CHD9: variants seen among roughly 807,000 people sequenced by gnomAD.
CHD9 encodes ATP-dependent chromatin remodeler CHD9.
A neutral mutation model predicts 316.1 loss-of-function variants in CHD9; 77 were observed. The ratio of observed to expected loss-of-function variants is 0.24; its 90% CI spans 0.20 to 0.29. CHD9 has a LOEUF of 0.29. Among genes scored for constraint, CHD9 ranks in the 10% least tolerant of loss-of-function variants. The probability of loss-of-function intolerance (pLI) is 1.00; values close to 1 mark genes in which losing one functional copy is unlikely to be tolerated. For synonymous variants in CHD9, 1,129 were observed against 1,158.3 expected, an observed-to-expected ratio of 0.97 and a Z score of 0.51; for missense variants, 2,763 against 3,438.1, an observed-to-expected ratio of 0.80 and a Z score of 4.91.
At chr16:53,228,021 G>A (rs1038762703) in intron 7 of CHD9, among the ~76,000 whole-genome samples, 3 of 152,124 alleles carry the variant, frequency 2.0e-5, no homozygotes, top group East Asian at 1.9e-4. Context: ...AGGAGGTGGA[G>A]GTTGCTGTGA....
chr16:53,293,119 G>C, intron 29 of CHD9, 67 bp downstream of exon 29: 1 of 1,375,972 alleles, frequency 7.3e-7, no homozygotes, highest in South Asian at 1.3e-5. Flanking sequence ...AAGCCTGTCT[G>C]GGTACAATTA....
In CHD9 at chr16:53,308,501, T is replaced by C. The variant is rs145431823; in HGVS notation, c.7054-185T>C. Among the ~76,000 whole-genome samples the C allele has an allele frequency of 2.6e-4, 40 of 152,288 alleles. 1 individual carries two copies. Among genetic ancestry groups the C allele is most frequent in the African/African-American group, 9.6e-4 (40 of 41,568 alleles). On this transcript the variant is annotated intron_variant, in intron 33 of 38. Transcript: ENST00000447540. ...TTTTTTTCATTCAAAATAGAAAATT[T>C]GGTGTTATTATAGAAATTGATTTAA...
intron 1 of CHD9, among the ~76,000 whole-genome samples, chr16:53,139,001 T>A (rs951261856): frequency 6.6e-6 from 1 of 152,038 alleles, no homozygotes; most frequent in Non-Finnish European, 1.5e-5. Context: ...GGAGGTGCTG[T>A]GGGAGGGCGT....
At chr16:53,289,532 A>G (rs923010398) in intron 27 of CHD9, among the ~76,000 whole-genome samples, 1 of 152,246 alleles carries the variant, frequency 6.6e-6, no homozygotes, top group African/African-American at 2.4e-5. Flanking sequence ...AGATGTGAGG[A>G]AATTATCCAG....
At chr16:53,247,669 C>G (rs2049751519) in intron 16 of CHD9, 166 bp downstream of exon 16, 4 of 595,470 alleles carry the variant, frequency 6.7e-6, no homozygotes, top group Non-Finnish European at 1.2e-5. Context: ...GTTATATTTT[C>G]CTAACCTGCA....
chr16:53,229,230 A>C, intron 8 of CHD9, 130 bp downstream of exon 8: 1 of 506,336 alleles, frequency 2.0e-6, no homozygotes. Context: ...TGCTACCTAA[A>C]TATAGTATTT....
intron 1 of CHD9, among the ~76,000 whole-genome samples, chr16:53,119,373 T>TA (rs143260025): frequency 0.28 from 41,744 of 149,368 alleles, 6,815 homozygotes; most frequent in Non-Finnish European, 0.38. Flanking sequence ...CACTGTTATT[T>TA]AAAAAAAAAA....
At chr16:53,232,044 T>C (rs938346813) in intron 10 of CHD9, among the ~76,000 whole-genome samples, 1 of 152,154 alleles carries the variant, frequency 6.6e-6, no homozygotes, top group Non-Finnish European at 1.5e-5. Context: ...GGAAATGAAT[T>C]AAATATTCCA....
chr16:53,099,339 T>C (rs991722992), intron 1 of CHD9: 9 of 152,304 alleles, frequency 5.9e-5, no homozygotes, highest in African/African-American at 2.2e-4. Flanking sequence ...ATGGCCACCT[T>C]TGTGTGCTGT....
chr16:53,167,691 G>A (rs2042369003), intron 2 of CHD9, among the ~76,000 whole-genome samples: 1 of 151,972 alleles, frequency 6.6e-6, no homozygotes. Context: ...ATAATATAGT[G>A]TATATCATAT....
chr16:53,243,560 G>A (rs901173783), intron 13 of CHD9, among the ~76,000 whole-genome samples: 1 of 152,146 alleles, frequency 6.6e-6, no homozygotes. Flanking sequence ...TTATCCACCC[G>A]CCTCAGCCTC....
At chr16:53,270,603 G>A (rs2052158155) in intron 22 of CHD9, among the ~76,000 whole-genome samples, 1 of 152,026 alleles carries the variant, frequency 6.6e-6, no homozygotes, top group African/African-American at 2.4e-5. Context: ...GATAATTATT[G>A]AATGTGGATA....
intron 1 of CHD9, among the ~76,000 whole-genome samples, chr16:53,105,779 T>G (rs555240643): frequency 6.6e-6 from 1 of 152,248 alleles, no homozygotes; most frequent in East Asian, 1.9e-4. Flanking sequence ...GGTCTTGAAT[T>G]TTCACTGGTG....
chr16:53,201,627 T>C (rs1597403253), intron 2 of CHD9, among the ~76,000 whole-genome samples: 1 of 152,138 alleles, frequency 6.6e-6, no homozygotes, highest in Non-Finnish European at 1.5e-5. Flanking sequence ...AATTTCTTTA[T>C]TATATAGCAT....
chr16:53,081,839 G>GAA (rs2035042462), intron 1 of CHD9, among the ~76,000 whole-genome samples: 1 of 150,088 alleles, frequency 6.7e-6, no homozygotes, highest in South Asian at 2.1e-4. Flanking sequence ...TGTCAAGTTT[G>GAA]TGAATGAATG....
In CHD9 at chr16:53,326,290, T is replaced by C. The variant is rs1313757356; in HGVS notation, c.*1395T>C. 2 of 152,520 alleles carry C rather than the reference T, an allele frequency of 1.3e-5. No homozygotes were observed. Among genetic ancestry groups the C allele is most frequent in the Non-Finnish European group, 2.9e-5 (2 of 67,936 alleles). The allele number at this position is 152,520 out of a possible 1,614,324, so 9.4% of individuals were successfully genotyped here. On this transcript the variant is annotated 3_prime_UTR_variant, in exon 39 of 39. Coordinates refer to ENST00000447540, the MANE Select transcript of CHD9 (RefSeq NM_001308319.2). ...TATTGACATTCTAAGGAGAGATATA[T>C]GTTAGCATTTTTCTGGTACTCAAAT... is the stretch of plus-strand genomic sequence containing the variant.
At position 53,228,979 on chromosome 16, in the gene CHD9, T is replaced by G. The variant is rs143510981; in HGVS notation, c.2169-4T>G. 3.5e-4 allele frequency: 485 copies of G among 1,395,286 alleles called. 1 individual carries two copies. In the African/African-American group the frequency reaches 6.3e-3, roughly 18 times the overall value. The allele number at this position is 1,395,286 out of a possible 1,614,324, so 86.4% of individuals were successfully genotyped here. A position where few individuals can be genotyped will look rare whatever the true frequency, so the allele number is the denominator to read the frequency against. ...CTAATATATTATTTTTATAAAAATTTTAGCTCCTATCTTCACTGTGAGTGG... is the reference window on the plus strand; with the variant it reads ...CTAATATATTATTTTTATAAAAATTGTAGCTCCTATCTTCACTGTGAGTGG... On this transcript the variant is annotated splice_polypyrimidine_tract_variant and splice_region_variant and intron_variant, in intron 7 of 38. Transcript: ENST00000447540.
intron 19 of CHD9, 97 bp downstream of exon 19, chr16:53,255,876 C>G: frequency 8.9e-7 from 1 of 1,128,462 alleles, no homozygotes; most frequent in Non-Finnish European, 1.3e-6. Context: ...TTTAAACATA[C>G]TGAATTAGCC....
At chr16:53,230,164 A>G (rs2036637729) in intron 8 of CHD9, among the ~76,000 whole-genome samples, 1 of 152,198 alleles carries the variant, frequency 6.6e-6, no homozygotes, top group Non-Finnish European at 1.5e-5. Flanking sequence ...TTTTAAAAGA[A>G]CACCATAGAA....
Sources: gnomAD v4.1 joint callset for allele counts (sites outside exome capture counted in the v4.1 genomes callset) on GRCh38, gnomAD v4.1.1 for gene constraint, MANE v1.5 for transcripts, NCBI Gene and HGNC (gene_info 2026-07-23, HGNC 2026-07-21) for gene names.